LDLRAD4: variants seen among roughly 807,000 people sequenced by gnomAD.
LDLRAD4 encodes low density lipoprotein receptor class A domain containing 4.
A neutral mutation model predicts 17.0 loss-of-function variants in LDLRAD4; 5 were observed. That is an observed-to-expected ratio of 0.29 (90% CI 0.15 to 0.62). The LOEUF is 0.62. Ranked by LOEUF, LDLRAD4 falls within the 20% of genes least tolerant of loss-of-function variation. LDLRAD4 has a pLI of 0.84. For synonymous variants in LDLRAD4, 168 were observed against 171.8 expected, an observed-to-expected ratio of 0.98 and a Z score of 0.17; for missense variants, 340 against 424.7, an observed-to-expected ratio of 0.80 and a Z score of 1.75.
chr18:13,338,562 G>T (rs1169452595), intron 1 of LDLRAD4, among the ~76,000 whole-genome samples: 1 of 152,206 alleles, frequency 6.6e-6, no homozygotes, highest in Non-Finnish European at 1.5e-5. Context: ...ACTCTGTAAA[G>T]ATAAGGTTCT....
chr18:13,370,797 G>A (rs1477938346), intron 1 of LDLRAD4, among the ~76,000 whole-genome samples: 5 of 140,298 alleles, frequency 3.6e-5, no homozygotes, highest in Admixed American at 2.4e-4. Context: ...TGAAACCTCC[G>A]CCTCCTGGGT....
chr18:13,479,137 C>T (rs1203009601), intron 3 of LDLRAD4, among the ~76,000 whole-genome samples: 1 of 152,108 alleles, frequency 6.6e-6, no homozygotes, highest in Admixed American at 6.5e-5. Context: ...CAAAATAGAT[C>T]ACAGGCTTAA....
chr18:13,350,636 TA>T (rs1416945050), intron 1 of LDLRAD4, among the ~76,000 whole-genome samples: 1 of 152,230 alleles, frequency 6.6e-6, no homozygotes. Context: ...TTAGTTTAAT[TA>T]GATCTCATTT....
intron 2 of LDLRAD4, among the ~76,000 whole-genome samples, chr18:13,404,127 A>T (rs1273653081): frequency 6.6e-6 from 1 of 152,088 alleles, no homozygotes. Context: ...GTATTTTCAG[A>T]TTCTGCCGCT....
intron 3 of LDLRAD4, among the ~76,000 whole-genome samples, chr18:13,550,433 G>C (rs907414283): frequency 2.0e-4 from 30 of 152,224 alleles, no homozygotes; most frequent in Non-Finnish European, 5.9e-5. Context: ...TCATGGGTCT[G>C]TGGAGAGACG....
chr18:13,382,753 C>T (rs2085475926), intron 1 of LDLRAD4: 1 of 152,218 alleles, frequency 6.6e-6, no homozygotes, highest in African/African-American at 2.4e-5. Context: ...CTGTATTCCC[C>T]CCTCTCCTTC....
chr18:13,623,766 A>C (rs1342511178), intron 4 of LDLRAD4, among the ~76,000 whole-genome samples: 1 of 152,110 alleles, frequency 6.6e-6, no homozygotes, highest in East Asian at 1.9e-4. Context: ...TGGCCATGCT[A>C]TCCATTTCCC....
At chr18:13,568,295 A>C (rs2094635016) in intron 3 of LDLRAD4, among the ~76,000 whole-genome samples, 1 of 138,652 alleles carries the variant, frequency 7.2e-6, no homozygotes, top group Admixed American at 7.1e-5. Flanking sequence ...CTCCGTTTAC[A>C]AAAAAAAAAA....
At chr18:13,267,903 C>G (rs2044309806) in intron 1 of LDLRAD4, among the ~76,000 whole-genome samples, 2 of 152,122 alleles carry the variant, frequency 1.3e-5, no homozygotes, top group Admixed American at 1.3e-4. Flanking sequence ...TCTTTTAAAA[C>G]AATTTTTTAG....
exon 6 of LDLRAD4, chr18:13,650,757 T>C (rs1454843651): frequency 6.1e-6 from 1 of 163,412 alleles, no homozygotes; most frequent in Non-Finnish European, 1.3e-5. Flanking sequence ...AGAAATGGCA[T>C]AGAATTTGTG....
chr18:13,242,606 T>C (rs1312170482), intron 1 of LDLRAD4, among the ~76,000 whole-genome samples: 1 of 152,244 alleles, frequency 6.6e-6, no homozygotes, highest in East Asian at 1.9e-4. Context: ...GCAAATGTGG[T>C]ATTTTTTTTG....
Position 13,356,090 on chromosome 18 carries a change from C to T in LDLRAD4, c.-382-31251C>T, listed in dbSNP as rs1416146164. 3.9e-5 allele frequency among the ~76,000 whole-genome samples: 6 copies of T among 152,260 alleles called. 1 individual carries two copies. ...GTGAGCGGGCTCAGCCAGGGTCGTG[C>T]TTCAGCACAATCCCATGAGACCTTC... On this transcript the variant is annotated intron_variant, in intron 1 of 5. Coordinates refer to ENST00000359446, the Ensembl canonical transcript of LDLRAD4.
chr18:13,601,853 T>G (rs2095167264), intron 3 of LDLRAD4, among the ~76,000 whole-genome samples: 1 of 152,042 alleles, frequency 6.6e-6, no homozygotes, highest in Non-Finnish European at 1.5e-5. Context: ...AAAAAGACAC[T>G]TGCACCTGTA....
chr18:13,265,951 C>T (rs766269469), intron 1 of LDLRAD4, among the ~76,000 whole-genome samples: 18 of 152,176 alleles, frequency 1.2e-4, no homozygotes, highest in African/African-American at 3.6e-4. Flanking sequence ...CTCACCCCCA[C>T]GTGGATCTGC....
At chr18:13,277,152 C>T (rs752458025), upstream of LDLRAD4, among the ~76,000 whole-genome samples, 2 of 152,096 alleles carry the variant, frequency 1.3e-5, no homozygotes, top group Non-Finnish European at 2.9e-5. Context: ...GTGTTTTATC[C>T]GGCTGTCTTT....
intron 3 of LDLRAD4, among the ~76,000 whole-genome samples, chr18:13,493,839 C>T (rs1381257354): frequency 6.6e-6 from 1 of 152,248 alleles, no homozygotes; most frequent in Non-Finnish European, 1.5e-5. Flanking sequence ...TGCCTCCAGC[C>T]CCGTGGTCCT....
intron 2 of LDLRAD4, chr18:13,419,873 C>G (rs1434209566): frequency 7.9e-5 from 12 of 152,220 alleles, no homozygotes; most frequent in Admixed American, 7.2e-4. Flanking sequence ...TCCACAGACA[C>G]AGACGTGAGC....
rs1251854867 is a variant in LDLRAD4 at position 13,334,390 on chromosome 18, A to G, written c.-382-52951A>G. Among the ~76,000 whole-genome samples, 3 of 152,218 alleles carry G rather than the reference A, an allele frequency of 2.0e-5. No individual in the cohort carries two copies. In the South Asian group the frequency reaches 6.2e-4, roughly 32 times the overall value. On this transcript the variant is annotated intron_variant, in intron 1 of 5. Transcript: ENST00000359446. The stretch of plus-strand genomic sequence containing the variant: ...GTAGCTGGGACTACAGGCATGTGCC[A>G]GCACGCCTGGCTAATTTTTTGTATT...
At chr18:13,450,094 G>A (rs577772027) in intron 3 of LDLRAD4, among the ~76,000 whole-genome samples, 1 of 152,322 alleles carries the variant, frequency 6.6e-6, no homozygotes, top group East Asian at 1.9e-4. Context: ...CTTCCTTGGT[G>A]AGAGGGGTTG....
Sources: gnomAD v4.1 joint callset for allele counts (sites outside exome capture counted in the v4.1 genomes callset) on GRCh38, gnomAD v4.1.1 for gene constraint, MANE v1.5 for transcripts, NCBI Gene and HGNC (gene_info 2026-07-23, HGNC 2026-07-21) for gene names.